MAGI3: variants seen among roughly 807,000 people sequenced by gnomAD.
MAGI3 encodes the protein membrane-associated guanylate kinase, WW and PDZ domain-containing protein 3.
MAGI3 carries 43 observed loss-of-function variants against 121.8 expected under a neutral mutation model. The ratio of observed to expected loss-of-function variants is 0.35; its 90% CI spans 0.28 to 0.46. MAGI3 has a LOEUF of 0.46. MAGI3 is among the 20% of genes least tolerant of loss of function. The pLI is 1.00. For missense variants in MAGI3, 1,547 were observed against 1,797.3 expected, an observed-to-expected ratio of 0.86 and a Z score of 2.52; for synonymous variants, 553 against 639.3, an observed-to-expected ratio of 0.86 and a Z score of 2.04.
At chr1:113,661,218 A>T (rs1436341770) in intron 16 of MAGI3, among the ~76,000 whole-genome samples, 1 of 152,172 alleles carries the variant, frequency 6.6e-6, no homozygotes, top group Non-Finnish European at 1.5e-5. Context: ...TGCTCATCTA[A>T]TATCATTATT....
intron 1 of MAGI3, among the ~76,000 whole-genome samples, chr1:113,434,953 A>G (rs1442898682): frequency 6.6e-6 from 1 of 152,032 alleles, no homozygotes; most frequent in Non-Finnish European, 1.5e-5. Flanking sequence ...TTTTAATGTT[A>G]TATTCTTGCA....
chr1:113,418,593 C>T (rs959440512), intron 1 of MAGI3, among the ~76,000 whole-genome samples: 1 of 152,018 alleles, frequency 6.6e-6, no homozygotes. Flanking sequence ...TCTTCTTTCT[C>T]TTTTTTTAAT....
chr1:113,640,688 A>G (rs1477096418), intron 9 of MAGI3, among the ~76,000 whole-genome samples: 1 of 151,700 alleles, frequency 6.6e-6, no homozygotes, highest in Non-Finnish European at 1.5e-5. Context: ...GAACACATGG[A>G]CACAGGGCCG....
intron 2 of MAGI3, among the ~76,000 whole-genome samples, chr1:113,580,162 A>G (rs1300350227): frequency 6.6e-6 from 1 of 152,172 alleles, no homozygotes; most frequent in Non-Finnish European, 1.5e-5. Context: ...CCTTTTATTC[A>G]CATATAAAGT....
intron 19 of MAGI3, among the ~76,000 whole-genome samples, chr1:113,679,738 G>A (rs554979740): frequency 3.6e-5 from 5 of 140,014 alleles, no homozygotes; most frequent in African/African-American, 7.9e-5. Flanking sequence ...ACGGAGTTTC[G>A]CTCGCTGCCC....
At chr1:113,442,125 T>C (rs1653949584) in intron 1 of MAGI3, among the ~76,000 whole-genome samples, 1 of 152,210 alleles carries the variant, frequency 6.6e-6, no homozygotes, top group Non-Finnish European at 1.5e-5. Flanking sequence ...AAGCCACTTA[T>C]AATTTAGTAG....
chr1:113,469,545 T>C (rs1570720244), intron 1 of MAGI3, among the ~76,000 whole-genome samples: 2 of 152,256 alleles, frequency 1.3e-5, no homozygotes, highest in South Asian at 4.1e-4. Flanking sequence ...TCAGCTTTTA[T>C]GTTTATACTT....
In MAGI3 at chr1:113,422,846, C is replaced by T. The variant is rs568473930; in HGVS notation, c.316+31497C>T. Among the ~76,000 whole-genome samples the T allele has an allele frequency of 6.6e-6, 1 of 152,204 alleles. No homozygotes were observed. The highest frequency in any genetic ancestry group is 6.5e-5 in the Admixed American group (1 of 15,290). On this transcript the variant is annotated intron_variant, in intron 1 of 20. Transcript: ENST00000307546. The surrounding 1 kb of genome is among the most constrained non-coding windows in gnomAD (Gnocchi z 4.3). The stretch of plus-strand genomic sequence containing the variant: ...CACTACCCAGCTCTGGCTTGCAGCT[C>T]CTGGGCTGATCCGGCCCCACCGCTA...
chr1:113,664,942 G>A (rs555852985), intron 16 of MAGI3, among the ~76,000 whole-genome samples: 1 of 152,146 alleles, frequency 6.6e-6, no homozygotes, highest in South Asian at 2.1e-4. Flanking sequence ...TCTGCCATCT[G>A]TATGTTCTTT....
At chr1:113,457,089 C>T (rs1654797528) in intron 1 of MAGI3, among the ~76,000 whole-genome samples, 1 of 152,202 alleles carries the variant, frequency 6.6e-6, no homozygotes, top group East Asian at 1.9e-4. Flanking sequence ...GCTTTCCAAG[C>T]TCCTTTGTGT....
intron 9 of MAGI3, among the ~76,000 whole-genome samples, chr1:113,629,763 C>CTCTCT (rs143631602): frequency 2.2e-5 from 1 of 45,172 alleles, no homozygotes. Flanking sequence ...TCTCTCTCTC[C>CTCTCT]CTCCCTCCCT....
At chr1:113,417,815 A>C (rs923985123) in intron 1 of MAGI3, among the ~76,000 whole-genome samples, 15 of 152,162 alleles carry the variant, frequency 9.9e-5, no homozygotes, top group African/African-American at 3.6e-4. Context: ...GATCCCTATC[A>C]TCTAACTCAG....
At chr1:113,636,578 C>T (rs1476317357) in intron 9 of MAGI3, among the ~76,000 whole-genome samples, 1 of 152,080 alleles carries the variant, frequency 6.6e-6, no homozygotes, top group Admixed American at 6.6e-5. Context: ...TTTGATTGCA[C>T]TGTGGTCTGA....
intron 1 of MAGI3, among the ~76,000 whole-genome samples, chr1:113,494,715 T>A (rs1656834073): frequency 6.6e-6 from 1 of 152,182 alleles, no homozygotes. Flanking sequence ...TCACTGACAA[T>A]CAATGTGTCT....
chr1:113,395,087 G>GTTTTTTTTTTTTTTTTTTT (rs139532433), intron 1 of MAGI3, among the ~76,000 whole-genome samples: 5 of 33,244 alleles, frequency 1.5e-4, no homozygotes, highest in Admixed American at 4.0e-4. Flanking sequence ...CTTTTTGTTA[G>GTTTTTTTTTTTTTTTTTTT]TTTTTTTTTT....
At chr1:113,433,397 C>T (rs905720343) in intron 1 of MAGI3, among the ~76,000 whole-genome samples, 1 of 152,176 alleles carries the variant, frequency 6.6e-6, no homozygotes, top group Admixed American at 6.5e-5. Flanking sequence ...AAATAGAACA[C>T]TATAAATTTG....
chr1:113,679,265 C>G (rs952891885), intron 19 of MAGI3, among the ~76,000 whole-genome samples: 2 of 152,076 alleles, frequency 1.3e-5, no homozygotes, highest in Non-Finnish European at 2.9e-5. Context: ...TCCCTCCCCC[C>G]ATCTTGTATT....
chr1:113,629,918 A>C (rs1651516159), intron 9 of MAGI3, among the ~76,000 whole-genome samples: 1 of 151,646 alleles, frequency 6.6e-6, no homozygotes, highest in Non-Finnish European at 1.5e-5. Flanking sequence ...ACAGCACTGG[A>C]TCTTGCCCAC....
chr1:113,649,753 C>T (rs1205183746), intron 13 of MAGI3, among the ~76,000 whole-genome samples: 1 of 152,126 alleles, frequency 6.6e-6, no homozygotes, highest in Non-Finnish European at 1.5e-5. Context: ...TGTTTCACCT[C>T]GTCTTATTAA....
Sources: gnomAD v4.1 joint callset for allele counts (sites outside exome capture counted in the v4.1 genomes callset) on GRCh38, gnomAD v4.1.1 for gene constraint, Gnocchi (gnomAD v3.1) non-coding constraint, MANE v1.5 for transcripts, NCBI Gene and HGNC (gene_info 2026-07-23, HGNC 2026-07-21) for gene names.